The following L3MBTL4 variants were observed in gnomAD, a reference collection of about 807,000 sequenced individuals.
L3MBTL4 encodes the protein L3MBTL histone methyl-lysine binding protein 4.
A neutral mutation model predicts 84.5 loss-of-function variants in L3MBTL4; 70 were observed. That is an observed-to-expected ratio of 0.83 (90% CI 0.68 to 1.01). L3MBTL4 has a LOEUF of 1.01. Ranked by LOEUF, L3MBTL4 falls within the 50% of genes least tolerant of loss-of-function variation. L3MBTL4 has a pLI of 0.00. For missense variants in L3MBTL4, 715 were observed against 754.8 expected, an observed-to-expected ratio of 0.95 and a Z score of 0.62; for synonymous variants, 274 against 259.8, an observed-to-expected ratio of 1.05 and a Z score of -0.52.
chr18:6,257,897 C>T (rs568084045), intron 5 of L3MBTL4, among the ~76,000 whole-genome samples: 28 of 152,258 alleles, frequency 1.8e-4, no homozygotes, highest in African/African-American at 6.0e-4. Flanking sequence ...CCACCCACCT[C>T]GGCCTCCCAA....
chr18:6,020,036 G>A (rs1442492316), intron 16 of L3MBTL4, among the ~76,000 whole-genome samples: 1 of 152,196 alleles, frequency 6.6e-6, no homozygotes, highest in Non-Finnish European at 1.5e-5. Flanking sequence ...GATATAGGGA[G>A]GAACAAGACA....
chr18:6,030,085 A>C (rs1341474845), intron 16 of L3MBTL4: 70 of 983,132 alleles, frequency 7.1e-5, no homozygotes, highest in Non-Finnish European at 8.0e-5. Flanking sequence ...GCTAAAGGAC[A>C]CGAGGAAACT....
At chr18:6,087,027 T>C (rs2058281482) in intron 15 of L3MBTL4, among the ~76,000 whole-genome samples, 1 of 152,210 alleles carries the variant, frequency 6.6e-6, no homozygotes, top group African/African-American at 2.4e-5. Flanking sequence ...TGACACTTAC[T>C]AGTTTGGGTG....
chr18:5,957,936 G>A (rs1176895434), intron 18 of L3MBTL4, among the ~76,000 whole-genome samples: 2 of 145,956 alleles, frequency 1.4e-5, no homozygotes, highest in Non-Finnish European at 3.0e-5. Context: ...TTCCAGCCTG[G>A]GCAACAGATA....
At chr18:5,972,985 G>C (rs1045775068) in intron 16 of L3MBTL4, among the ~76,000 whole-genome samples, 3 of 151,398 alleles carry the variant, frequency 2.0e-5, no homozygotes, top group African/African-American at 7.3e-5. Context: ...AACGGAGTAA[G>C]AGCAAAACTT....
At chr18:6,193,664 T>G (rs1244366822) in intron 12 of L3MBTL4, among the ~76,000 whole-genome samples, 1 of 152,072 alleles carries the variant, frequency 6.6e-6, no homozygotes, top group Admixed American at 6.5e-5. Context: ...CGAGATACAG[T>G]TGGGCTGGTG....
intron 18 of L3MBTL4, among the ~76,000 whole-genome samples, chr18:5,956,956 G>C (rs1018441229): frequency 2.6e-5 from 4 of 152,112 alleles, no homozygotes; most frequent in Admixed American, 2.6e-4. Context: ...GTATATGATA[G>C]AGAAAGATTT....
rs551224252 is a variant in L3MBTL4, at chr18:5,968,495, C to T, written c.1614+898G>A. On this transcript the variant is annotated intron_variant, in intron 17 of 18. Transcript: ENST00000317931. Reference sequence around the variant, plus strand: ...GGAGAACCGCTTGAGGCCAGGAGTTCGAGACTAGCATGGGCAACATAATGA... The same window carrying T: ...GGAGAACCGCTTGAGGCCAGGAGTTTGAGACTAGCATGGGCAACATAATGA... Among the ~76,000 whole-genome samples, 384 of 151,850 alleles carry T rather than the reference C, an allele frequency of 2.5e-3. 6 individuals carry two copies. The highest frequency in any genetic ancestry group is 2.1e-4 in the Non-Finnish European group (14 of 67,964).
intron 16 of L3MBTL4, among the ~76,000 whole-genome samples, chr18:5,973,504 A>G (rs1417324076): frequency 1.3e-5 from 2 of 151,900 alleles, no homozygotes; most frequent in Non-Finnish European, 2.9e-5. Context: ...ATTTGCATAA[A>G]TTTTTGTAAT....
intron 16 of L3MBTL4, among the ~76,000 whole-genome samples, chr18:6,020,729 C>A (rs544122861): frequency 2.4e-4 from 37 of 152,268 alleles, no homozygotes; most frequent in African/African-American, 8.2e-4. Flanking sequence ...GAGTCAAGGA[C>A]GCTCCTAGGT....
intron 12 of L3MBTL4, among the ~76,000 whole-genome samples, chr18:6,208,685 T>C (rs2045973091): frequency 6.6e-6 from 1 of 152,222 alleles, no homozygotes; most frequent in African/African-American, 2.4e-5. Flanking sequence ...CATTTTCTGA[T>C]AAGGCAACAG....
chr18:5,954,904 T>A lies in L3MBTL4; in HGVS notation c.*1316A>T, dbSNP rs943726906. 1 of 152,202 alleles carries A rather than the reference T, an allele frequency of 6.6e-6. No homozygotes were observed. Among genetic ancestry groups the A allele is most frequent in the Non-Finnish European group, 1.5e-5 (1 of 68,034 alleles). The allele number at this position is 152,202 out of a possible 1,614,324, so 9.4% of individuals were successfully genotyped here. ...TAAAGATCTAAAGAAATGTTATATA[T>A]GCACACCTCTTAGAGTTTGTTTATT... On this transcript the variant is annotated 3_prime_UTR_variant, in exon 19 of 19. Coordinates refer to ENST00000317931, the MANE Select transcript of L3MBTL4 (RefSeq NM_001330559.2).
intron 4 of L3MBTL4, among the ~76,000 whole-genome samples, chr18:6,275,602 A>C (rs575582883): frequency 6.6e-6 from 1 of 152,296 alleles, no homozygotes; most frequent in African/African-American, 2.4e-5. Flanking sequence ...GTTTGTGATG[A>C]GGACGAGGCT....
At chr18:6,092,441 T>C (rs2058490385) in intron 15 of L3MBTL4, among the ~76,000 whole-genome samples, 1 of 152,194 alleles carries the variant, frequency 6.6e-6, no homozygotes, top group African/African-American at 2.4e-5. Flanking sequence ...TATGTGTCTT[T>C]ATTTTACACC....
chr18:6,245,935 A>T (rs1314635699), intron 5 of L3MBTL4, among the ~76,000 whole-genome samples: 1 of 152,054 alleles, frequency 6.6e-6, no homozygotes, highest in Non-Finnish European at 1.5e-5. Context: ...TTCATATTTA[A>T]ATTTGTAGTA....
chr18:6,224,211 A>C (rs577453120), intron 10 of L3MBTL4, among the ~76,000 whole-genome samples: 19 of 152,386 alleles, frequency 1.2e-4, no homozygotes, highest in African/African-American at 4.6e-4. Context: ...AATCCCTGGA[A>C]GTGTAAAAAA....
At chr18:6,011,013 T>TA (rs2054710470) in intron 16 of L3MBTL4, among the ~76,000 whole-genome samples, 1 of 152,204 alleles carries the variant, frequency 6.6e-6, no homozygotes, top group Non-Finnish European at 1.5e-5. Context: ...GGTCTCCTTA[T>TA]TCCAAAGTGG....
At position 6,393,088 on chromosome 18, in the gene L3MBTL4, A is replaced by ATT. The variant is rs1599887601; in HGVS notation, c.-91+21711_-91+21712dup. On this transcript the variant is annotated intron_variant, in intron 1 of 18. Coordinates refer to ENST00000317931, the MANE Select transcript of L3MBTL4 (RefSeq NM_001330559.2). ...AAAAGTGATTGAAATAAAAAAAAAA[A>ATT]TTTTAACTATAAAGATAATAAACCC... 5.9e-5 allele frequency among the ~76,000 whole-genome samples: 9 copies of ATT among 151,976 alleles called. No individual in the cohort carries two copies. The South Asian group carries it at 1.9e-3, about 32-fold the overall frequency.
At chr18:6,413,117 A>C (rs1310315238) in intron 1 of L3MBTL4, among the ~76,000 whole-genome samples, 2 of 152,034 alleles carry the variant, frequency 1.3e-5, no homozygotes, top group African/African-American at 4.8e-5. Context: ...TAAAAAGTGA[A>C]AGTTAACACA....
Sources: allele counts gnomAD v4.1 joint callset (sites outside exome capture counted in the v4.1 genomes callset), GRCh38; gene constraint gnomAD v4.1.1; transcripts MANE v1.5; gene names NCBI Gene and HGNC (gene_info 2026-07-23, HGNC 2026-07-21).